The following RAB10 variants were observed in gnomAD, a reference collection of about 807,000 sequenced individuals.
The protein encoded by RAB10 is RAB10, member RAS oncogene family, also known as ras-related protein Rab-10.
In RAB10, 5 loss-of-function variants were observed where a neutral mutation model predicts 25.7. That is an observed-to-expected ratio of 0.19 (90% CI 0.10 to 0.41). RAB10 has a LOEUF of 0.41. Ranked by LOEUF, RAB10 falls within the 10% of genes least tolerant of loss-of-function variation. RAB10 has a pLI of 1.00. For missense variants in RAB10, 103 were observed against 245.8 expected (o/e 0.42, Z 3.89); for synonymous variants, 89 against 86.4 (o/e 1.03, Z -0.16).
At chr2:26,110,052 G>C in intron 3 of RAB10, 146 bp downstream of exon 3, 1 of 1,012,102 alleles carries the variant, frequency 9.9e-7, no homozygotes, top group Non-Finnish European at 1.3e-6. Flanking sequence ...AAAAGTTAAT[G>C]TTGGCCGGGC....
At chr2:26,079,324 A>ACACACAC (rs1553726198) in intron 1 of RAB10, among the ~76,000 whole-genome samples, 1,091 of 92,638 alleles carry the variant, frequency 0.012, 7 homozygotes, top group African/African-American at 0.017. Context: ...CACACACACA[A>ACACACAC]ACACACACAC....
At chr2:26,033,758 G>A (rs562718566), upstream of RAB10, among the ~76,000 whole-genome samples, 1 of 152,154 alleles carries the variant, frequency 6.6e-6, no homozygotes, top group Admixed American at 6.5e-5. Context: ...GGCTCTGTAA[G>A]GGTGTCCCGG....
intron 1 of RAB10, among the ~76,000 whole-genome samples, chr2:26,052,679 C>T (rs1666163544): frequency 6.6e-6 from 1 of 152,064 alleles, no homozygotes; most frequent in Admixed American, 6.6e-5. Flanking sequence ...ACTTTAGTTT[C>T]ATTGTACACA....
chr2:26,116,636 A>C (rs1367228444), intron 3 of RAB10, among the ~76,000 whole-genome samples: 1 of 136,480 alleles, frequency 7.3e-6, no homozygotes, highest in Non-Finnish European at 1.5e-5. Context: ...AGCTCACTGC[A>C]AGCTCTGCTT....
intron 3 of RAB10, among the ~76,000 whole-genome samples, chr2:26,117,565 A>G (rs1667715908): frequency 6.8e-6 from 1 of 147,480 alleles, no homozygotes; most frequent in South Asian, 2.2e-4. Context: ...CAGTGAGCCA[A>G]GGTCGTGCCA....
chr2:26,109,151 C>A (rs1259275670), intron 2 of RAB10, among the ~76,000 whole-genome samples: 1 of 152,008 alleles, frequency 6.6e-6, no homozygotes, highest in Non-Finnish European at 1.5e-5. Flanking sequence ...CTTAAGTGAT[C>A]TACACGCCTC....
intron 1 of RAB10, among the ~76,000 whole-genome samples, chr2:26,072,821 AC>A (rs1414356274): frequency 2.6e-5 from 4 of 152,254 alleles, no homozygotes; most frequent in African/African-American, 9.6e-5. Flanking sequence ...GTAATTTTTA[AC>A]AAAATGTCAT....
intron 1 of RAB10, among the ~76,000 whole-genome samples, chr2:26,051,250 T>G (rs1224808620): frequency 6.6e-6 from 1 of 152,054 alleles, no homozygotes; most frequent in Admixed American, 6.6e-5. Flanking sequence ...ATTTGTTTTT[T>G]AAAATTCTTG....
intron 1 of RAB10, among the ~76,000 whole-genome samples, chr2:26,072,218 AC>A (rs1666641811): frequency 6.6e-6 from 1 of 152,170 alleles, no homozygotes; most frequent in African/African-American, 2.4e-5. Context: ...AGAGATTGAG[AC>A]CATCCTGGCC....
At chr2:26,044,416 C>T (rs1489520339) in intron 1 of RAB10, among the ~76,000 whole-genome samples, 1 of 152,148 alleles carries the variant, frequency 6.6e-6, no homozygotes, top group Non-Finnish European at 1.5e-5. Flanking sequence ...TTTGCATAGA[C>T]CTTCTTGGAA....
intron 3 of RAB10, among the ~76,000 whole-genome samples, chr2:26,115,094 G>A (rs893999960): frequency 5.9e-5 from 9 of 152,122 alleles, no homozygotes; most frequent in Admixed American, 1.3e-4. Flanking sequence ...TCTAACAAGC[G>A]TTCACAAAGA....
chr2:26,038,181 G>A (rs566819519), intron 1 of RAB10, among the ~76,000 whole-genome samples: 1 of 149,254 alleles, frequency 6.7e-6, no homozygotes, highest in Admixed American at 6.7e-5. Context: ...CCACCACACT[G>A]CCCTCCTTTG....
chr2:26,125,970 CTA>C (rs1331783685), intron 3 of RAB10, among the ~76,000 whole-genome samples: 1 of 152,050 alleles, frequency 6.6e-6, no homozygotes, highest in Non-Finnish European at 1.5e-5. Context: ...AAGCTTTTCC[CTA>C]TGTTTTCTTC....
intron 3 of RAB10, among the ~76,000 whole-genome samples, chr2:26,122,283 A>C (rs1482724590): frequency 6.6e-6 from 1 of 152,206 alleles, no homozygotes; most frequent in Non-Finnish European, 1.5e-5. Context: ...ATACCTTTTT[A>C]TCTCATGTTG....
intron 1 of RAB10, among the ~76,000 whole-genome samples, chr2:26,083,970 G>A (rs953041048): frequency 5.3e-5 from 8 of 152,204 alleles, no homozygotes; most frequent in Non-Finnish European, 8.8e-5. Context: ...ACAAAATATC[G>A]CTGAGAGAAC....
In RAB10 at chr2:26,136,415, TACATCCTTTTGG is replaced by T. The variant is rs1340370454; in HGVS notation, c.*1396_*1407del. The T allele has an allele frequency of 6.6e-6, 1 of 152,658 alleles. No individual in the cohort carries two copies. The highest frequency in any genetic ancestry group is 2.4e-5 in the African/African-American group (1 of 41,468). 9.5% of individuals were successfully genotyped at this position (152,658 alleles called of 1,614,324 possible). A position where few individuals can be genotyped will look rare whatever the true frequency, so the allele number is the denominator to read the frequency against. On this transcript the variant is annotated 3_prime_UTR_variant, in exon 6 of 6. Transcript: ENST00000264710. The stretch of plus-strand genomic sequence containing the variant: ...TATTATTAATTTTAAGTCCTGTCTT[TACATCCTTTTGG>T]AAAACTTGTATTACCATGGGTTTGG...
At chr2:26,041,765 G>A (rs933540654) in intron 1 of RAB10, among the ~76,000 whole-genome samples, 9 of 151,848 alleles carry the variant, frequency 5.9e-5, no homozygotes, top group East Asian at 3.9e-4. Flanking sequence ...TTAGCTGGGC[G>A]TGGTGGCGCA....
intron 1 of RAB10, among the ~76,000 whole-genome samples, chr2:26,043,694 A>G (rs961826276): frequency 1.3e-5 from 2 of 152,202 alleles, no homozygotes; most frequent in African/African-American, 2.4e-5. Flanking sequence ...TGAGGTACCT[A>G]TAGTAGACAA....
At chr2:26,104,528 G>T (rs1667428711) in intron 2 of RAB10, among the ~76,000 whole-genome samples, 1 of 151,938 alleles carries the variant, frequency 6.6e-6, no homozygotes, top group Non-Finnish European at 1.5e-5. Context: ...CCATTCTGTG[G>T]GTTGTCTTTT....
Sources: gnomAD v4.1 joint callset for allele counts (sites outside exome capture counted in the v4.1 genomes callset) on GRCh38, gnomAD v4.1.1 for gene constraint, MANE v1.5 for transcripts, NCBI Gene and HGNC (gene_info 2026-07-23, HGNC 2026-07-21) for gene names.